DNAJC16: variants seen among roughly 807,000 people sequenced by gnomAD.
DNAJC16 encodes dnaJ homolog subfamily C member 16.
In DNAJC16, 76 loss-of-function variants were observed where a neutral mutation model predicts 92.7. That is an observed-to-expected ratio of 0.82 (90% CI 0.68 to 0.99). The LOEUF (loss-of-function observed/expected upper bound fraction) is 0.99, where lower values mean the gene tolerates loss of function less well. Ranked by LOEUF, DNAJC16 falls within the 50% of genes least tolerant of loss-of-function variation. The pLI, the probability that DNAJC16 is intolerant of heterozygous loss-of-function variation, is 0.00. For missense variants in DNAJC16, 869 were observed against 942.4 expected (o/e 0.92, Z 1.02); for synonymous variants, 328 against 358.7 (o/e 0.91, Z 0.97).
At chr1:15,544,799 G>T (rs373858964) in intron 5 of DNAJC16, among the ~76,000 whole-genome samples, 2 of 152,146 alleles carry the variant, frequency 1.3e-5, no homozygotes, top group Admixed American at 1.3e-4. Flanking sequence ...GAGACTGAAA[G>T]AATTAATTCC....
In DNAJC16 at chr1:15,534,128, C is replaced by A; in HGVS notation, c.168-109C>A. 3 of 1,025,514 alleles carry A rather than the reference C, an allele frequency of 2.9e-6. No homozygotes were observed. In the South Asian group the frequency reaches 5.1e-5, roughly 17 times the overall value. The allele number at this position is 1,025,514 out of a possible 1,614,324, so 63.5% of individuals were successfully genotyped here. A position where few individuals can be genotyped will look rare whatever the true frequency, so the allele number is the denominator to read the frequency against. On this transcript the variant is annotated intron_variant, in intron 2 of 14. Coordinates refer to ENST00000375847, the MANE Select transcript of DNAJC16 (RefSeq NM_015291.4). ...CATTTATTTTAAGAAACTTTCCTAA[C>A]AAAATAGCCCTCCGTCTGCCTCTGT...
chr1:15,567,404 TC>T, intron 14 of DNAJC16, 135 bp downstream of exon 14: 1 of 909,158 alleles, frequency 1.1e-6, no homozygotes, highest in Non-Finnish European at 1.6e-6. Context: ...ACCTTTCCAA[TC>T]CAGACATCTG....
rs1638353413 is a variant in DNAJC16 at position 15,548,121 on chromosome 1, T to A, written c.865-149T>A. ...TTTTTGCACATGGAACACCATAGAA[T>A]GGAAGTATACAAGGATACGGAAGAC... On this transcript the variant is annotated intron_variant, in intron 6 of 14. Coordinates refer to ENST00000375847, the MANE Select transcript of DNAJC16 (RefSeq NM_015291.4). The A allele has an allele frequency of 4.7e-6, 3 of 635,808 alleles. No individual in the cohort carries two copies. In the South Asian group the frequency reaches 7.2e-5, roughly 15 times the overall value. The allele number at this position is 635,808 out of a possible 1,614,324, so 39.4% of individuals were successfully genotyped here.
intron 2 of DNAJC16, among the ~76,000 whole-genome samples, chr1:15,530,790 G>A (rs12562522): frequency 0.59 from 89,201 of 151,974 alleles, 26,839 homozygotes; most frequent in African/African-American, 0.71. Flanking sequence ...TGGGTTCAAG[G>A]GATTCTCCTG....
intron 2 of DNAJC16, among the ~76,000 whole-genome samples, chr1:15,530,892 T>G (rs1176080037): frequency 6.6e-6 from 1 of 152,180 alleles, no homozygotes; most frequent in East Asian, 1.9e-4. Context: ...TTTGCCATAT[T>G]GGCCAGGCTG....
rs1317801348 is a variant in DNAJC16 at position 15,544,460 on chromosome 1, A to G, written c.636A>G (p.Ala212=). 5 of 1,614,038 alleles carry G rather than the reference A, an allele frequency of 3.1e-6. No individual in the cohort carries two copies. The African/African-American group carries it at 4.0e-5, about 13-fold the overall frequency. ...GACGCCTGGCCCATCACCTAGGGGC[A>G]CACAGCACGCCCTCTATCCTAGGAA... The part of the protein sequence containing the change: ...YERRLAHHLG[A]HSTPSILGII... Residue 212 remains alanine (A), a synonymous_variant, in exon 5 of 15, where the codon GCA becomes GCG. Coordinates refer to ENST00000375847, the MANE Select transcript of DNAJC16 (RefSeq NM_015291.4).
Position 15,566,140 on chromosome 1 carries a change from A to T in DNAJC16, c.1738A>T (p.Thr580Ser), listed in dbSNP as rs1251101019. 1 of 1,613,980 alleles carries T rather than the reference A, an allele frequency of 6.2e-7. No homozygotes were observed. The highest frequency in any genetic ancestry group is 1.1e-5 in the South Asian group (1 of 91,064). The change falls in exon 13 of 15, where the codon ACT becomes TCT. Residue 580 changes from threonine (T) to serine (S), a missense_variant. Coordinates refer to ENST00000375847, the MANE Select transcript of DNAJC16 (RefSeq NM_015291.4). ...PPEKEEAQEK[T>S]GKTEPSFTKE... ...AGAAAAAGAGGAAGCCCAAGAGAAG[A>T]CTGGGAAAACTGAGCCAAGCTTCAC... is the stretch of plus-strand genomic sequence containing the variant.
At chr1:15,567,639 CCTT>C in intron 14 of DNAJC16, 136 bp from the exon 15 acceptor site, 2 of 938,766 alleles carry the variant, frequency 2.1e-6, no homozygotes, top group Non-Finnish European at 1.6e-6. Context: ...CCACAGAAGG[CCTT>C]CTTTTTCTCT....
intron 11 of DNAJC16, 92 bp downstream of exon 11, chr1:15,564,451 A>C (rs1453040904): frequency 6.7e-6 from 6 of 889,658 alleles, no homozygotes; most frequent in Non-Finnish European, 1.1e-5. Flanking sequence ...ATTAAATTTC[A>C]AGGTACACTT....
intron 7 of DNAJC16, among the ~76,000 whole-genome samples, chr1:15,551,610 T>A (rs6679515): frequency 1.3e-5 from 2 of 151,814 alleles, no homozygotes; most frequent in Admixed American, 6.6e-5. Flanking sequence ...GGTTTTTTTT[T>A]TTTTTGCTTT....
chr1:15,561,300 A>T (rs115485400), intron 8 of DNAJC16, among the ~76,000 whole-genome samples: 102 of 152,312 alleles, frequency 6.7e-4, no homozygotes, highest in African/African-American at 2.4e-3. Flanking sequence ...TTGCAAAGGA[A>T]GCCGTTCAGA....
chr1:15,548,447 G>T lies in DNAJC16; in HGVS notation c.1023+19G>T, dbSNP rs1638364714. On this transcript the variant is annotated intron_variant, in intron 7 of 14. Transcript: ENST00000375847. ...TATCCAGGTACGTGAGGGTCACCTTGGTTAAGATTTTCTTCACATTTTATC... is the reference window on the plus strand; with the variant it reads ...TATCCAGGTACGTGAGGGTCACCTTTGTTAAGATTTTCTTCACATTTTATC... The T allele has an allele frequency of 1.3e-6, 2 of 1,587,486 alleles. No individual in the cohort carries two copies. The highest frequency in any genetic ancestry group is 1.3e-5 in the African/African-American group (1 of 74,314).
chr1:15,531,817 A>G (rs1462985193), intron 2 of DNAJC16, among the ~76,000 whole-genome samples: 1 of 152,216 alleles, frequency 6.6e-6, no homozygotes, highest in Non-Finnish European at 1.5e-5. Flanking sequence ...GGCTATGACA[A>G]TGCTTTGTCA....
rs1331324219 is a variant in DNAJC16 at position 15,548,350 on chromosome 1, G to A, written c.945G>A (p.Arg315=). The change falls in exon 7 of 15, where the codon AGG becomes AGA. Residue 315 remains arginine, a synonymous_variant. Transcript: ENST00000375847. ...TGAGAGGGACGGAAGAGATGACAAGGCGGTACAACATCAATATCTACGCCC... is the reference window on the plus strand; with the variant it reads ...TGAGAGGGACGGAAGAGATGACAAGACGGTACAACATCAATATCTACGCCC... ...VGLRGTEEMT[R]RYNINIYAPT... is the part of the protein sequence containing the mutation. 1 of 1,614,162 alleles carries A rather than the reference G, an allele frequency of 6.2e-7. No individual in the cohort carries two copies. The highest frequency in any genetic ancestry group is 1.7e-5 in the Admixed American group (1 of 60,024).
At chr1:15,567,298 A>G (rs1249224064) in intron 14 of DNAJC16, 29 bp downstream of exon 14, 3 of 1,595,652 alleles carry the variant, frequency 1.9e-6, no homozygotes, top group South Asian at 2.2e-5. Flanking sequence ...GCATGTATGT[A>G]TGTGTGTGAG....
chr1:15,562,661 A>AT (rs1638716908), intron 9 of DNAJC16, among the ~76,000 whole-genome samples: 2 of 150,672 alleles, frequency 1.3e-5, no homozygotes, highest in Non-Finnish European at 3.0e-5. Flanking sequence ...AATTTTTTGT[A>AT]TTTTTTTGTA....
intron 8 of DNAJC16, 102 bp from the exon 9 acceptor site, chr1:15,562,040 C>T (rs550269470): frequency 1.6e-6 from 2 of 1,232,406 alleles, no homozygotes; most frequent in African/African-American, 1.5e-5. Flanking sequence ...GTATTCACTT[C>T]CATAAGATGA....
At chr1:15,563,034 T>C (rs572963579) in intron 9 of DNAJC16, among the ~76,000 whole-genome samples, 286 of 151,404 alleles carry the variant, frequency 1.9e-3, no homozygotes, top group African/African-American at 6.7e-3. Flanking sequence ...CTGGTTGATC[T>C]CTCCTGCCTT....
chr1:15,555,045 TTG>T (rs34696543), intron 7 of DNAJC16, among the ~76,000 whole-genome samples: 40,476 of 145,854 alleles, frequency 0.28, 5,532 homozygotes, highest in East Asian at 0.49. Flanking sequence ...TTTTTTTTTT[TTG>T]TTTGATAGTT....
Sources: gnomAD v4.1 joint callset for allele counts (sites outside exome capture counted in the v4.1 genomes callset) on GRCh38, gnomAD v4.1.1 for gene constraint, MANE v1.5 for transcripts, NCBI Gene and HGNC (gene_info 2026-07-23, HGNC 2026-07-21) for gene names.